The following WWTR1 variants were observed in gnomAD, a reference collection of about 807,000 sequenced individuals.
WWTR1 encodes WW domain-containing transcription regulator protein 1.
A neutral mutation model predicts 40.1 loss-of-function variants in WWTR1; 13 were observed. The ratio of observed to expected loss-of-function variants is 0.32; its 90% CI spans 0.21 to 0.52. The LOEUF (loss-of-function observed/expected upper bound fraction) is 0.52. WWTR1 is among the 20% of genes least tolerant of loss of function. The probability of loss-of-function intolerance (pLI) is 0.97; values close to 1 mark genes in which losing one functional copy is unlikely to be tolerated. For missense variants in WWTR1, 436 were observed against 523.1 expected (o/e 0.83, Z 1.63); for synonymous variants, 230 against 210.1 (o/e 1.09, Z -0.82).
intron 2 of WWTR1, among the ~76,000 whole-genome samples, chr3:149,578,316 A>G (rs541436054): frequency 6.6e-6 from 1 of 152,184 alleles, no homozygotes; most frequent in South Asian, 2.1e-4. Flanking sequence ...AAAGCTAACA[A>G]TATACTGGTT....
intron 2 of WWTR1, among the ~76,000 whole-genome samples, chr3:149,574,929 T>C (rs1737813264): frequency 6.6e-6 from 1 of 152,004 alleles, no homozygotes; most frequent in South Asian, 2.1e-4. Context: ...ACCCCAGCTC[T>C]ATTAAAAATA....
chr3:149,720,842 T>A (rs1330732879), intron 4 of WWTR1, among the ~76,000 whole-genome samples: 1 of 152,212 alleles, frequency 6.6e-6, no homozygotes. Context: ...ACATCCTTGG[T>A]AAAGTTAATT....
intron 2 of WWTR1, among the ~76,000 whole-genome samples, chr3:149,635,546 AAGG>A: frequency 6.6e-6 from 1 of 151,920 alleles, no homozygotes; most frequent in East Asian, 1.9e-4. Flanking sequence ...GGAGAAAGAG[AAGG>A]AGAAGAAGAA....
In WWTR1 at chr3:149,525,004, A is replaced by G. The variant is rs140538662; in HGVS notation, c.1018+1009T>C. Among the ~76,000 whole-genome samples the G allele has an allele frequency of 3.9e-5, 6 of 152,334 alleles. No homozygotes were observed. In the East Asian group the frequency reaches 1.2e-3, roughly 29 times the overall value. On this transcript the variant is annotated intron_variant, in intron 6 of 6. Transcript: ENST00000360632. ...ATAATTAAGTCTAGGTAAGGCTAATAAGACTAACTTCAGTTTCTGCAATTG... is the reference window on the plus strand; with the variant it reads ...ATAATTAAGTCTAGGTAAGGCTAATGAGACTAACTTCAGTTTCTGCAATTG...
chr3:149,710,869 G>A (rs1715462353), intron 5 of WWTR1, among the ~76,000 whole-genome samples: 2 of 151,890 alleles, frequency 1.3e-5, no homozygotes, highest in Admixed American at 1.3e-4. Flanking sequence ...ATGAGCCACT[G>A]CACCTGGCAC....
At chr3:149,632,229 A>T (rs1711582806) in intron 2 of WWTR1, among the ~76,000 whole-genome samples, 1 of 152,186 alleles carries the variant, frequency 6.6e-6, no homozygotes, top group Non-Finnish European at 1.5e-5. Context: ...TTTACTTTTT[A>T]AAATTTATTT....
At chr3:149,552,982 A>T (rs181582967) in intron 3 of WWTR1, among the ~76,000 whole-genome samples, 1 of 152,340 alleles carries the variant, frequency 6.6e-6, no homozygotes, top group East Asian at 1.9e-4. Flanking sequence ...AACTTTAAAC[A>T]AATGTTTAAA....
chr3:149,583,704 C>T (rs952415345), intron 2 of WWTR1, among the ~76,000 whole-genome samples: 6 of 152,264 alleles, frequency 3.9e-5, no homozygotes, highest in Admixed American at 2.6e-4. Context: ...ATATGTATGT[C>T]GGGATTTGCT....
At chr3:149,659,142 G>C (rs758622182), upstream of WWTR1, among the ~76,000 whole-genome samples, 1 of 152,100 alleles carries the variant, frequency 6.6e-6, no homozygotes, top group Non-Finnish European at 1.5e-5. Context: ...GGGAAAGGGT[G>C]GGGGGAGATG....
chr3:149,644,639 TCAAC>T (rs1443451237), intron 2 of WWTR1, among the ~76,000 whole-genome samples: 1 of 152,218 alleles, frequency 6.6e-6, no homozygotes, highest in African/African-American at 2.4e-5. Flanking sequence ...TATGTGAGGC[TCAAC>T]CAGTAACAGA....
At chr3:149,654,684 T>G (rs1053685553) in intron 2 of WWTR1, among the ~76,000 whole-genome samples, 1 of 152,250 alleles carries the variant, frequency 6.6e-6, no homozygotes, top group African/African-American at 2.4e-5. Flanking sequence ...TTTTTTGTTT[T>G]GCTTTTGTTT....
At chr3:149,578,192 C>T (rs144081706) in intron 2 of WWTR1, among the ~76,000 whole-genome samples, 16 of 152,238 alleles carry the variant, frequency 1.1e-4, no homozygotes, top group African/African-American at 2.9e-4. Context: ...AAAGACCACA[C>T]GCAGTTGTGG....
At chr3:149,614,294 C>T (rs1167461896) in intron 2 of WWTR1, among the ~76,000 whole-genome samples, 1 of 152,136 alleles carries the variant, frequency 6.6e-6, no homozygotes, top group Non-Finnish European at 1.5e-5. Flanking sequence ...CAACACATTA[C>T]CTTTCTCTAT....
At chr3:149,623,593 C>T (rs1190099561) in intron 2 of WWTR1, among the ~76,000 whole-genome samples, 1 of 152,050 alleles carries the variant, frequency 6.6e-6, no homozygotes, top group Non-Finnish European at 1.5e-5. Context: ...ATTTTTTGTC[C>T]ATTGAATGAC....
intron 1 of WWTR1, among the ~76,000 whole-genome samples, chr3:149,694,951 C>T (rs757338629): frequency 2.6e-5 from 4 of 152,100 alleles, no homozygotes; most frequent in Non-Finnish European, 5.9e-5. Context: ...AAATATGGTA[C>T]ACATACACAA....
Position 149,657,262 on chromosome 3 carries a change from C to A in WWTR1, c.45G>T (p.Gln15His), listed in dbSNP as rs779611911. 1 of 1,613,262 alleles carries A rather than the reference C, an allele frequency of 6.2e-7. No individual in the cohort carries two copies. Among genetic ancestry groups the A allele is most frequent in the Admixed American group, 1.7e-5 (1 of 59,934 alleles). ...GGTCCTGCGTGACGTGGATCACTTG[C>A]TGCCCAGGCGGCGGGAGCGGAGGGG... is the stretch of plus-strand genomic sequence containing the variant. ...SAPPPLPPPG[Q>H]QVIHVTQDLD... is the part of the protein sequence containing the mutation. Residue 15 changes from glutamine to histidine, a missense_variant, in exon 2 of 7, where the codon CAG (glutamine) becomes CAT (histidine). By Grantham distance (24) the Gln-to-His change is conservative (BLOSUM62 0). Transcript: ENST00000360632.
chr3:149,721,274 C>G (rs1054460572), intron 4 of WWTR1, among the ~76,000 whole-genome samples: 1 of 151,554 alleles, frequency 6.6e-6, no homozygotes, highest in African/African-American at 2.4e-5. Context: ...GAGTTAGTTT[C>G]CTTCTATTCA....
intron 2 of WWTR1, among the ~76,000 whole-genome samples, chr3:149,610,257 G>A (rs1739673590): frequency 6.6e-6 from 1 of 152,074 alleles, no homozygotes; most frequent in Non-Finnish European, 1.5e-5. Context: ...ATTCATACCT[G>A]CTCAGTGTTG....
chr3:149,539,833 C>T (rs1021535464), intron 4 of WWTR1, among the ~76,000 whole-genome samples: 2 of 152,006 alleles, frequency 1.3e-5, no homozygotes, highest in East Asian at 1.9e-4. Context: ...AGAGCCCACA[C>T]CTGAATACTG....
Sources: gnomAD v4.1 joint callset for allele counts (sites outside exome capture counted in the v4.1 genomes callset) on GRCh38, gnomAD v4.1.1 for gene constraint, MANE v1.5 for transcripts, NCBI Gene and HGNC (gene_info 2026-07-23, HGNC 2026-07-21) for gene names.